The following NTNG1 variants were observed in gnomAD, a reference collection of about 807,000 sequenced individuals.
NTNG1 encodes the protein netrin G1, also known as netrin-G1.
In NTNG1, 16 loss-of-function variants were observed where a neutral mutation model predicts 54.0. The observed-to-expected ratio is 0.30, with a 90% confidence interval of 0.20 to 0.45. The LOEUF is 0.45. Among genes scored for constraint, NTNG1 ranks in the 20% least tolerant of loss-of-function variants. The pLI, the probability that NTNG1 is intolerant of heterozygous loss-of-function variation, is 1.00. For missense variants in NTNG1, 530 were observed against 678.7 expected (o/e 0.78, Z 2.43); for synonymous variants, 255 against 263.1 (o/e 0.97, Z 0.30).
rs534319007 is a variant in NTNG1, at chr1:107,215,636, C to T, written c.246+66797C>T. ...GCAGGCTTTTGTTGTTGTTGTTGTT[C>T]CATATGAATTTTGAGATTTGTTTTC... is the stretch of plus-strand genomic sequence containing the variant. On this transcript the variant is annotated intron_variant, in intron 2 of 7. Coordinates refer to ENST00000370068, the MANE Select transcript of NTNG1 (RefSeq NM_001113226.3). Among the ~76,000 whole-genome samples the T allele has an allele frequency of 1.2e-4, 18 of 151,772 alleles. No homozygotes were observed. In the South Asian group the frequency reaches 2.3e-3, roughly 19 times the overall value.
intron 2 of NTNG1, among the ~76,000 whole-genome samples, chr1:107,164,507 C>G (rs1033119779): frequency 6.6e-6 from 1 of 152,204 alleles, no homozygotes; most frequent in African/African-American, 2.4e-5. Context: ...ATGTGCAAAA[C>G]AGACTTATTT....
chr1:107,151,898 T>C (rs980112346), intron 2 of NTNG1, among the ~76,000 whole-genome samples: 1 of 152,096 alleles, frequency 6.6e-6, no homozygotes, highest in Non-Finnish European at 1.5e-5. Context: ...TTGTTCTATA[T>C]TAATTGTACC....
chr1:107,346,268 G>A (rs1669221704), intron 3 of NTNG1, among the ~76,000 whole-genome samples: 1 of 152,140 alleles, frequency 6.6e-6, no homozygotes, highest in South Asian at 2.1e-4. Context: ...GCATTTCTTT[G>A]GCTCTGGGTA....
At chr1:107,406,635 T>C (rs1330641519) in intron 4 of NTNG1, among the ~76,000 whole-genome samples, 1 of 152,158 alleles carries the variant, frequency 6.6e-6, no homozygotes. Flanking sequence ...AATCTCTGGC[T>C]TTTAATTAAC....
intron 2 of NTNG1, among the ~76,000 whole-genome samples, chr1:107,255,141 A>G (rs1281006436): frequency 6.6e-6 from 1 of 152,246 alleles, no homozygotes; most frequent in Non-Finnish European, 1.5e-5. Context: ...TAACCAAAAT[A>G]GTAAAATAAT....
At chr1:107,290,963 T>TTATATATATATATATA (rs71976757) in intron 2 of NTNG1, among the ~76,000 whole-genome samples, 1 of 142,530 alleles carries the variant, frequency 7.0e-6, no homozygotes, top group South Asian at 2.2e-4. Flanking sequence ...TATATATATA[T>TTATATATATATATATA]TATATATATA....
At chr1:107,158,841 G>T (rs1179012323) in intron 2 of NTNG1, among the ~76,000 whole-genome samples, 1 of 152,088 alleles carries the variant, frequency 6.6e-6, no homozygotes, top group Non-Finnish European at 1.5e-5. Flanking sequence ...TCTAGAAAAA[G>T]AATTCTATAT....
At chr1:107,281,392 TA>T (rs1005157105) in intron 2 of NTNG1, among the ~76,000 whole-genome samples, 23 of 150,790 alleles carry the variant, frequency 1.5e-4, no homozygotes, top group Non-Finnish European at 2.5e-4. Flanking sequence ...AGTCTTCTTC[TA>T]AAAAAAAAGA....
At position 107,148,143 on chromosome 1, in the gene NTNG1, A is replaced by C. The variant is rs1654272946; in HGVS notation, c.-451A>C. The C allele has an allele frequency of 6.3e-6, 1 of 158,022 alleles. No homozygotes were observed. Among genetic ancestry groups the C allele is most frequent in the Non-Finnish European group, 1.4e-5 (1 of 71,638 alleles). 9.8% of individuals were successfully genotyped at this position (158,022 alleles called of 1,614,324 possible). A position where few individuals can be genotyped will look rare whatever the true frequency, so the allele number is the denominator to read the frequency against. ...CTATAGACACTCATCCTTTTGCTTC[A>C]GATACTGATATCTCAGCCTGCTTGA... is the stretch of plus-strand genomic sequence containing the variant. On this transcript the variant is annotated 5_prime_UTR_variant, in exon 2 of 8. Coordinates refer to ENST00000370068, the MANE Select transcript of NTNG1 (RefSeq NM_001113226.3).
chr1:107,349,497 T>C (rs1018855065), intron 3 of NTNG1, among the ~76,000 whole-genome samples: 1 of 152,128 alleles, frequency 6.6e-6, no homozygotes, highest in Non-Finnish European at 1.5e-5. Flanking sequence ...ATTTGAGAAA[T>C]AGAATATTAG....
At chr1:107,298,132 T>C (rs768851343) in intron 2 of NTNG1, among the ~76,000 whole-genome samples, 10 of 152,126 alleles carry the variant, frequency 6.6e-5, no homozygotes, top group Non-Finnish European at 1.5e-4. Flanking sequence ...TCAAAATTAA[T>C]CATTAAAGTT....
At chr1:107,276,884 C>A (rs1000243748) in intron 2 of NTNG1, among the ~76,000 whole-genome samples, 3 of 147,068 alleles carry the variant, frequency 2.0e-5, no homozygotes, top group African/African-American at 7.6e-5. Flanking sequence ...AAAATTTTAT[C>A]TTTGATGGTG....
At chr1:107,376,437 A>AC (rs1671266852) in intron 3 of NTNG1, among the ~76,000 whole-genome samples, 6 of 150,688 alleles carry the variant, frequency 4.0e-5, no homozygotes, top group Middle Eastern at 3.4e-3. Flanking sequence ...AACAAAAAAA[A>AC]AAAATTTGCT....
intron 2 of NTNG1, among the ~76,000 whole-genome samples, chr1:107,158,544 C>G (rs1269257590): frequency 6.6e-6 from 1 of 152,162 alleles, no homozygotes; most frequent in Non-Finnish European, 1.5e-5. Flanking sequence ...AGAAGTCCAG[C>G]TGCCGACATT....
At chr1:107,174,935 T>G (rs1056856563) in intron 2 of NTNG1, among the ~76,000 whole-genome samples, 1 of 152,178 alleles carries the variant, frequency 6.6e-6, no homozygotes, top group Non-Finnish European at 1.5e-5. Context: ...AATGAATTTT[T>G]AAATGCTGAC....
intron 2 of NTNG1, among the ~76,000 whole-genome samples, chr1:107,261,720 G>C (rs1663350614): frequency 6.6e-6 from 1 of 152,166 alleles, no homozygotes; most frequent in South Asian, 2.1e-4. Context: ...GCGGGTGCCT[G>C]TAGTCCCAGC....
chr1:107,189,732 G>A (rs1290700196), intron 2 of NTNG1, among the ~76,000 whole-genome samples: 1 of 150,936 alleles, frequency 6.6e-6, no homozygotes, highest in Non-Finnish European at 1.5e-5. Context: ...ACGACAAATA[G>A]TTCTAGCTAA....
chr1:107,480,825 C>A lies in NTNG1; in HGVS notation c.1605C>A (p.Ser535Arg), dbSNP rs1444947973. 1 of 1,564,150 alleles carries A rather than the reference C, an allele frequency of 6.4e-7. No homozygotes were observed. Among genetic ancestry groups the A allele is most frequent in the Non-Finnish European group, 8.7e-7 (1 of 1,155,004 alleles). ...TGACCACGCTGCTGGGAACCGCCAG[C>A]CCCCTGGTGTTCTAGGTGTCACCTC... The part of the protein sequence containing the change: ...LLLTTLLGTA[S>R]PLVF Residue 535 changes from serine (S) to arginine (R), a missense_variant, in exon 8 of 8, where the codon AGC (serine) becomes AGA (arginine). Physicochemically the swap from Ser to Arg is moderately radical, Grantham distance 110. This residue lies in a region of NTNG1 where 212 missense variants were observed against 213.6 expected (regional missense o/e 0.99). Transcript: ENST00000370068.
intron 5 of NTNG1, among the ~76,000 whole-genome samples, chr1:107,426,076 T>C (rs1433627910): frequency 1.3e-5 from 2 of 152,114 alleles, no homozygotes; most frequent in African/African-American, 2.4e-5. Flanking sequence ...ATTTTAAACA[T>C]TGGTCTTTAG....
Sources: allele counts gnomAD v4.1 joint callset (sites outside exome capture counted in the v4.1 genomes callset), GRCh38; gene constraint gnomAD v4.1.1; regional missense constraint gnomAD v4.1.1; transcripts MANE v1.5; gene names NCBI Gene and HGNC (gene_info 2026-07-23, HGNC 2026-07-21).